Variants in PDGFD observed in about 807,000 individuals in gnomAD.
PDGFD encodes platelet-derived growth factor D.
In PDGFD, 30 loss-of-function variants were observed where a neutral mutation model predicts 44.7. The observed-to-expected ratio is 0.67, with a 90% confidence interval of 0.50 to 0.91. The LOEUF (loss-of-function observed/expected upper bound fraction) is 0.91. PDGFD is among the 40% of genes least tolerant of loss of function. PDGFD has a pLI of 0.00. For synonymous variants in PDGFD, 173 were observed against 168.4 expected, an observed-to-expected ratio of 1.03 and a Z score of -0.21; for missense variants, 445 against 457.8, an observed-to-expected ratio of 0.97 and a Z score of 0.25.
intron 1 of PDGFD, among the ~76,000 whole-genome samples, chr11:104,042,867 A>G (rs1860379713): frequency 6.6e-6 from 1 of 152,222 alleles, no homozygotes; most frequent in African/African-American, 2.4e-5. Context: ...AATTAATTTA[A>G]AATTACATTA....
chr11:104,119,691 T>C (rs1459430131), intron 1 of PDGFD, among the ~76,000 whole-genome samples: 1 of 97,208 alleles, frequency 1.0e-5, no homozygotes, highest in East Asian at 3.6e-4. Context: ...CGATATATAA[T>C]ATATAATATC....
chr11:104,093,585 C>T (rs1861242047), intron 1 of PDGFD, among the ~76,000 whole-genome samples: 1 of 152,026 alleles, frequency 6.6e-6, no homozygotes, highest in Non-Finnish European at 1.5e-5. Flanking sequence ...CCCACAGTTT[C>T]CTTCTAAGTT....
chr11:103,996,032 C>T, intron 3 of PDGFD, 33 bp downstream of exon 3: 2 of 1,569,804 alleles, frequency 1.3e-6, no homozygotes, highest in Non-Finnish European at 1.7e-6. Flanking sequence ...AAACCAGTGT[C>T]TGCTTTTAAT....
intron 6 of PDGFD, among the ~76,000 whole-genome samples, chr11:103,925,476 C>A (rs952114420): frequency 6.6e-6 from 1 of 151,746 alleles, no homozygotes; most frequent in Non-Finnish European, 1.5e-5. Flanking sequence ...TTTTATTTGA[C>A]CCTCAGAGCA....
chr11:104,156,406 T>C (rs1862308490), intron 1 of PDGFD, among the ~76,000 whole-genome samples: 2 of 152,142 alleles, frequency 1.3e-5, no homozygotes, highest in Non-Finnish European at 2.9e-5. Flanking sequence ...AATCCTAACA[T>C]ATAAGGCTTC....
At chr11:104,161,319 G>A (rs1591192877) in intron 1 of PDGFD, among the ~76,000 whole-genome samples, 1 of 152,236 alleles carries the variant, frequency 6.6e-6, no homozygotes, top group East Asian at 1.9e-4. Flanking sequence ...TAATCTGATA[G>A]TCAAATGAGC....
At chr11:104,150,414 T>C (rs751865418) in intron 1 of PDGFD, among the ~76,000 whole-genome samples, 5 of 152,210 alleles carry the variant, frequency 3.3e-5, no homozygotes, top group African/African-American at 4.8e-5. Flanking sequence ...AACTTTATAA[T>C]GGTTGGGAAA....
chr11:103,959,360 T>G (rs1858902420), intron 3 of PDGFD, among the ~76,000 whole-genome samples: 1 of 152,206 alleles, frequency 6.6e-6, no homozygotes, highest in Admixed American at 6.5e-5. Flanking sequence ...AGTACCTTTT[T>G]CTTGACCTGA....
chr11:103,990,825 T>A (rs1692436316), intron 3 of PDGFD, among the ~76,000 whole-genome samples: 1 of 152,100 alleles, frequency 6.6e-6, no homozygotes, highest in Admixed American at 6.6e-5. Flanking sequence ...AATGGTCCTT[T>A]ACTCTCTAGC....
intron 1 of PDGFD, among the ~76,000 whole-genome samples, chr11:104,068,308 C>T (rs936218501): frequency 1.3e-5 from 2 of 152,146 alleles, no homozygotes; most frequent in Non-Finnish European, 2.9e-5. Context: ...TTCTTGAATA[C>T]TGCAGGAGGA....
chr11:103,915,999 C>T (rs1474638888), intron 6 of PDGFD, among the ~76,000 whole-genome samples: 1 of 152,028 alleles, frequency 6.6e-6, no homozygotes, highest in Non-Finnish European at 1.5e-5. Flanking sequence ...CAGAAGAAAA[C>T]CTAGGCAATA....
At chr11:103,946,833 A>G (rs1290504792) in intron 4 of PDGFD, among the ~76,000 whole-genome samples, 1 of 152,000 alleles carries the variant, frequency 6.6e-6, no homozygotes, top group Non-Finnish European at 1.5e-5. Context: ...CACATAATTC[A>G]TAGTGGAGGG....
chr11:104,042,901 C>T (rs552751268), intron 1 of PDGFD, among the ~76,000 whole-genome samples: 1 of 152,162 alleles, frequency 6.6e-6, no homozygotes, highest in Non-Finnish European at 1.5e-5. Context: ...GCCTTTCAAA[C>T]TTCTGTCATG....
intron 3 of PDGFD, among the ~76,000 whole-genome samples, chr11:103,954,935 C>G (rs1367077076): frequency 6.6e-6 from 1 of 151,602 alleles, no homozygotes; most frequent in African/African-American, 2.4e-5. Context: ...GAGGCCGAGG[C>G]GGGCGGATCA....
chr11:104,085,147 TTG>T (rs1316621112), intron 1 of PDGFD, among the ~76,000 whole-genome samples: 4 of 111,918 alleles, frequency 3.6e-5, no homozygotes, highest in African/African-American at 5.1e-5. Context: ...ATGTGTAGAA[TTG>T]TGTCACCCCA....
intron 1 of PDGFD, among the ~76,000 whole-genome samples, chr11:104,103,065 C>T (rs1861417694): frequency 6.6e-6 from 1 of 151,904 alleles, no homozygotes; most frequent in African/African-American, 2.4e-5. Flanking sequence ...GTACCCTACA[C>T]TACAAAGCTT....
At chr11:103,981,300 C>T (rs1859268924) in intron 3 of PDGFD, among the ~76,000 whole-genome samples, 1 of 151,530 alleles carries the variant, frequency 6.6e-6, no homozygotes, top group Admixed American at 6.6e-5. Context: ...GCCTAGAAGA[C>T]CCTCACCATA....
chr11:104,017,070 T>C (rs1591122686), intron 1 of PDGFD, among the ~76,000 whole-genome samples: 1 of 152,140 alleles, frequency 6.6e-6, no homozygotes, highest in East Asian at 1.9e-4. Context: ...CCCTCATGAA[T>C]GAGATTACGG....
At chr11:104,149,446 A>G (rs1035752876) in intron 1 of PDGFD, among the ~76,000 whole-genome samples, 3 of 152,184 alleles carry the variant, frequency 2.0e-5, no homozygotes, top group Admixed American at 6.5e-5. Context: ...AACAAGTGAG[A>G]TAATTATATA....
Sources: gnomAD v4.1 joint callset for allele counts (sites outside exome capture counted in the v4.1 genomes callset) on GRCh38, gnomAD v4.1.1 for gene constraint, MANE v1.5 for transcripts, NCBI Gene and HGNC (gene_info 2026-07-23, HGNC 2026-07-21) for gene names.